Variants in ELN observed in about 807,000 individuals in gnomAD.
The protein encoded by ELN is tropoelastin.
A neutral mutation model predicts 105.8 loss-of-function variants in ELN; 65 were observed. That is an observed-to-expected ratio of 0.61 (90% CI 0.50 to 0.75). The LOEUF (loss-of-function observed/expected upper bound fraction) is 0.75. ELN is among the 30% of genes least tolerant of loss of function. The pLI, the probability that ELN is intolerant of heterozygous loss-of-function variation, is 0.00. For missense variants in ELN, 882 were observed against 969.4 expected, an observed-to-expected ratio of 0.91 and a Z score of 1.20; for synonymous variants, 368 against 389.2, an observed-to-expected ratio of 0.95 and a Z score of 0.64.
chr7:74,058,391 G>C (rs1795857789), intron 22 of ELN, among the ~76,000 whole-genome samples: 1 of 150,634 alleles, frequency 6.6e-6, no homozygotes, highest in Middle Eastern at 3.4e-3. Flanking sequence ...GTCTAGCTCT[G>C]TCACCCAGGA....
At chr7:74,067,633 G>A (rs563110749) in intron 32 of ELN, among the ~76,000 whole-genome samples, 1 of 151,798 alleles carries the variant, frequency 6.6e-6, no homozygotes, top group Non-Finnish European at 1.5e-5. Flanking sequence ...AGCTACTCGG[G>A]AGGCTCACGC....
chr7:74,066,542 G>A (rs1797998931), intron 31 of ELN, among the ~76,000 whole-genome samples, 190 bp from the exon 32 acceptor site: 1 of 152,032 alleles, frequency 6.6e-6, no homozygotes, highest in African/African-American at 2.4e-5. Context: ...ACTCCAGCCT[G>A]GGTGACAGAG....
At chr7:74,067,026 C>T (rs1263507085) in intron 32 of ELN, among the ~76,000 whole-genome samples, 1 of 152,206 alleles carries the variant, frequency 6.6e-6, no homozygotes, top group Non-Finnish European at 1.5e-5. Context: ...TGGCTCACAC[C>T]TGTAATCCCA....
rs1554673266 is a variant in ELN at position 74,047,627 on chromosome 7, C to T, written c.644-48C>T. On this transcript the variant is annotated intron_variant, in intron 12 of 32. Transcript: ENST00000252034. The stretch of plus-strand genomic sequence containing the variant: ...TCTGTCCACCCAGGTTGGTGGGAGC[C>T]CAGCAAGGCATGGGGCAGCCCCTGA... The T allele has an allele frequency of 2.5e-6, 4 of 1,613,408 alleles. No individual in the cohort carries two copies. In the South Asian group the frequency reaches 3.3e-5, roughly 13 times the overall value.
rs1206184386 is a variant in ELN, at chr7:74,043,452, T to G, written c.427+284T>G. The stretch of plus-strand genomic sequence containing the variant: ...GGAAACTGAGGCTCAAAGAGGCGAG[T>G]CAGTGTGGAAGGGCCTGCAGCGAGT... On this transcript the variant is annotated intron_variant, in intron 8 of 32. Transcript: ENST00000252034. 7.2e-6 allele frequency: 5 copies of G among 698,614 alleles called. No individual in the cohort carries two copies. In the East Asian group the frequency reaches 8.2e-5, roughly 11 times the overall value. The allele number at this position is 698,614 out of a possible 1,614,324, so 43.3% of individuals were successfully genotyped here. A position where few individuals can be genotyped will look rare whatever the true frequency, so the allele number is the denominator to read the frequency against.
chr7:74,045,227 C>T lies in ELN; in HGVS notation c.475C>T (p.Arg159Trp), dbSNP rs1273222616. The change falls in exon 10 of 33, where the codon CGG (arginine) becomes TGG (tryptophan). Residue 159 changes from arginine to tryptophan, a missense_variant. Physicochemically the swap from Arg to Trp is moderately radical, Grantham distance 101 (BLOSUM62 -3). Transcript: ENST00000252034. ...ACTGCTTTGTCCCCCGGCAGGAGCT[C>T]GGTTCCCCGGTGTGGGGGTGCTCCC... Reference protein sequence around the residue: ...VYPGGVLPGARFPGVGVLPGV... With the variant: ...VYPGGVLPGAWFPGVGVLPGV... 3.1e-6 allele frequency: 5 copies of T among 1,613,968 alleles called. No homozygotes were observed. Among genetic ancestry groups the T allele is most frequent in the African/African-American group, 2.7e-5 (2 of 74,948 alleles).
At position 74,060,037 on chromosome 7, in the gene ELN, T is replaced by A. The variant is rs61734584; in HGVS notation, c.1566T>A (p.Gly522=). Residue 522 remains glycine (G), a synonymous_variant, in exon 23 of 33, where the codon GGT becomes GGA. Transcript: ENST00000252034. ...GCGTGGCTCCCGGCATTGGCCCTGG[T>A]GGAGTTGCAGGTGAGTTTCATGAGT... ...GVGVAPGIGP[G]GVAAAAKSAA... The A allele has an allele frequency of 2.8e-3, 4,462 of 1,614,022 alleles. 18 individuals carry two copies. The Middle Eastern group carries it at 0.029, about 11-fold the overall frequency.
At chr7:74,029,079 T>A (rs1274817330) in intron 1 of ELN, among the ~76,000 whole-genome samples, 1 of 152,098 alleles carries the variant, frequency 6.6e-6, no homozygotes, top group Non-Finnish European at 1.5e-5. Context: ...TGCTCCTTAG[T>A]GTGTGCAAAA....
At position 74,051,737 on chromosome 7, in the gene ELN, C is replaced by T. The variant is rs1554676101; in HGVS notation, c.800-13C>T. ...CCTTGGGAAACTACATTGCACTGTC[C>T]CCATCTCAACAGGTGCTGGAGCAGC... On this transcript the variant is annotated splice_polypyrimidine_tract_variant and intron_variant, in intron 15 of 32. Coordinates refer to ENST00000252034, the MANE Select transcript of ELN (RefSeq NM_000501.4). 6.2e-7 allele frequency: 1 copy of T among 1,614,160 alleles called. No individual in the cohort carries two copies. The highest frequency in any genetic ancestry group is 1.7e-5 in the Admixed American group (1 of 60,024).
Position 74,066,788 on chromosome 7 carries a change from TCCCTGCCCCTGGG to T in ELN, c.2131+21_2131+33del, listed in dbSNP as rs782720351. ...TCCCATTTTCCCAGGTATGCCAGGC[TCCCTGCCCCTGGG>T]CCCTGCCCTGGAGCTGCAGCCACCT... is the stretch of plus-strand genomic sequence containing the variant. On this transcript the variant is annotated intron_variant, in intron 32 of 32. Transcript: ENST00000252034. 3 of 1,612,944 alleles carry T rather than the reference TCCCTGCCCCTGGG, an allele frequency of 1.9e-6. No homozygotes were observed. Among genetic ancestry groups the T allele is most frequent in the Non-Finnish European group, 2.5e-6 (3 of 1,179,256 alleles).
At chr7:74,058,088 C>T (rs1554681512) in intron 22 of ELN, among the ~76,000 whole-genome samples, 6 of 151,024 alleles carry the variant, frequency 4.0e-5, no homozygotes. Flanking sequence ...TCTCCTCCTC[C>T]TCCTTCTCCT....
At chr7:74,055,003 G>A (rs1794935440) in intron 19 of ELN, among the ~76,000 whole-genome samples, 1 of 152,268 alleles carries the variant, frequency 6.6e-6, no homozygotes, top group Admixed American at 6.5e-5. Context: ...GTGACCCTGA[G>A]CTTCCCTGCT....
At chr7:74,034,762 G>GC (rs1479604405) in intron 1 of ELN, among the ~76,000 whole-genome samples, 2 of 151,948 alleles carry the variant, frequency 1.3e-5, no homozygotes, top group Admixed American at 6.5e-5. Flanking sequence ...CAGCTGTGTG[G>GC]CCCCAGGCAT....
chr7:74,063,495 C>T lies in ELN; in HGVS notation c.1918+126C>T. The T allele has an allele frequency of 6.2e-7, 1 of 1,607,210 alleles. No homozygotes were observed. Among genetic ancestry groups the T allele is most frequent in the South Asian group, 1.1e-5 (1 of 90,716 alleles). On this transcript the variant is annotated intron_variant, in intron 28 of 32. Coordinates refer to ENST00000252034, the MANE Select transcript of ELN (RefSeq NM_000501.4). This position sits in a 1 kb window ranked among gnomAD's most constrained non-coding sequence, Gnocchi z 4.1. ...CAGACACCTCCTGGCTCCACTGTGC[C>T]ATCGAAGGCCAGGGGAGACCTCAGG...
chr7:74,062,994 C>G (rs151246422), intron 26 of ELN, among the ~76,000 whole-genome samples, 159 bp from the exon 27 acceptor site: 76 of 152,264 alleles, frequency 5.0e-4, no homozygotes, highest in South Asian at 2.1e-3. Context: ...GAGCAAAACC[C>G]CATCTCAAAA....
intron 21 of ELN, chr7:74,057,343 A>G (rs1374467571): frequency 1.4e-6 from 2 of 1,455,730 alleles, no homozygotes; most frequent in Non-Finnish European, 1.8e-6. Context: ...AAAAGTGAGT[A>G]CTGGGAGGGG....
At chr7:74,064,964 G>C (rs1225049808) in intron 29 of ELN, among the ~76,000 whole-genome samples, 1 of 152,118 alleles carries the variant, frequency 6.6e-6, no homozygotes, top group African/African-American at 2.4e-5. Context: ...TTTGGGGCCG[G>C]GCATGGTGGC....
At chr7:74,049,643 T>C (rs1379365654) in intron 15 of ELN, among the ~76,000 whole-genome samples, 2 of 146,658 alleles carry the variant, frequency 1.4e-5, no homozygotes, top group Non-Finnish European at 3.0e-5. Context: ...CATCTATTCC[T>C]CCATGCATCC....
At chr7:74,046,273 T>C in intron 11 of ELN, 56 bp downstream of exon 11, 1 of 1,611,712 alleles carries the variant, frequency 6.2e-7, no homozygotes, top group Non-Finnish European at 8.5e-7. Context: ...GGCTCTGGCG[T>C]TGGGAGGGGT....
Sources: gnomAD v4.1 joint callset for allele counts (sites outside exome capture counted in the v4.1 genomes callset) on GRCh38, gnomAD v4.1.1 for gene constraint, Gnocchi (gnomAD v3.1) non-coding constraint, MANE v1.5 for transcripts, NCBI Gene and HGNC (gene_info 2026-07-23, HGNC 2026-07-21) for gene names.